RIMS1: variants seen among roughly 807,000 people sequenced by gnomAD.
RIMS1 encodes the protein regulating synaptic membrane exocytosis protein 1.
A neutral mutation model predicts 214.1 loss-of-function variants in RIMS1; 83 were observed. The observed-to-expected ratio is 0.39, with a 90% CI of 0.32 to 0.47. RIMS1 has a LOEUF of 0.47. Among genes scored for constraint, RIMS1 ranks in the 20% least tolerant of loss-of-function variants. The pLI, the probability that RIMS1 is intolerant of heterozygous loss-of-function variation, is 0.99. For synonymous variants in RIMS1, 793 were observed against 786.8 expected, an observed-to-expected ratio of 1.01 and a Z score of -0.13; for missense variants, 2,050 against 2,161.8, an observed-to-expected ratio of 0.95 and a Z score of 1.03.
chr6:72,184,127 C>A (rs1019717133), intron 6 of RIMS1, among the ~76,000 whole-genome samples: 1 of 152,118 alleles, frequency 6.6e-6, no homozygotes, highest in Non-Finnish European at 1.5e-5. Context: ...CAGTAAATTG[C>A]GTGGTATCTT....
chr6:72,259,177 T>C, intron 18 of RIMS1, 66 bp downstream of exon 18: 1 of 1,387,220 alleles, frequency 7.2e-7, no homozygotes, highest in Non-Finnish European at 1.0e-6. Flanking sequence ...ATACAGATAT[T>C]GTGGCATAGC....
chr6:72,122,508 A>G (rs2038611737), intron 4 of RIMS1, among the ~76,000 whole-genome samples: 1 of 151,728 alleles, frequency 6.6e-6, no homozygotes, highest in Admixed American at 6.6e-5. Flanking sequence ...ACCCAGCCAG[A>G]TTCCCTCTTT....
At chr6:72,249,003 A>G (rs1359592562) in intron 12 of RIMS1, among the ~76,000 whole-genome samples, 1 of 152,204 alleles carries the variant, frequency 6.6e-6, no homozygotes. Flanking sequence ...ATGGAAACCC[A>G]TTCTGGTTCT....
intron 32 of RIMS1, among the ~76,000 whole-genome samples, chr6:72,398,585 G>A (rs572058202): frequency 6.6e-6 from 1 of 151,914 alleles, no homozygotes; most frequent in African/African-American, 2.4e-5. Context: ...GTTTAGTTAT[G>A]GTCGTTTCTT....
rs1197576426 is a variant in RIMS1 at position 72,123,757 on chromosome 6, A to G, written c.471+23771A>G. The stretch of plus-strand genomic sequence containing the variant: ...TTCTTTGTCTCTTTTGATCTTTGTC[A>G]GTTTAAAGTCTGTTTTATCAGAGAC... On this transcript the variant is annotated intron_variant, in intron 4 of 33. Transcript: ENST00000521978. Among the ~76,000 whole-genome samples the G allele has an allele frequency of 7.3e-5, 11 of 151,540 alleles. 2 individuals carry two copies. Among genetic ancestry groups the G allele is most frequent in the Non-Finnish European group, 1.6e-4 (11 of 67,780 alleles).
intron 4 of RIMS1, among the ~76,000 whole-genome samples, chr6:72,167,673 T>C (rs1830340): frequency 0.69 from 105,302 of 151,882 alleles, 36,982 homozygotes; most frequent in East Asian, 0.84. Context: ...TTTGGTAGTT[T>C]GAGTTTTTGA....
chr6:72,299,673 G>A (rs1338327859), intron 26 of RIMS1, among the ~76,000 whole-genome samples: 1 of 151,786 alleles, frequency 6.6e-6, no homozygotes, highest in African/African-American at 2.4e-5. Context: ...TTACTTTAGT[G>A]GAATTCAAGT....
Position 72,058,242 on chromosome 6 carries a change from C to T in RIMS1, c.246-38707C>T, listed in dbSNP as rs555197677. 3.3e-5 allele frequency among the ~76,000 whole-genome samples: 5 copies of T among 152,332 alleles called. No homozygotes were observed. In the South Asian group the frequency reaches 1.0e-3, roughly 32 times the overall value. ...TACCTTACTTTTGGGATTTCTCACTCATCACCAATGAAACTCTCAGACTAG... is the reference window on the plus strand; with the variant it reads ...TACCTTACTTTTGGGATTTCTCACTTATCACCAATGAAACTCTCAGACTAG... On this transcript the variant is annotated intron_variant, in intron 2 of 33. Transcript: ENST00000521978.
At chr6:72,352,622 C>T (rs1211645889) in intron 29 of RIMS1, among the ~76,000 whole-genome samples, 2 of 152,178 alleles carry the variant, frequency 1.3e-5, no homozygotes, top group African/African-American at 4.8e-5. Context: ...AGGCAGTCAA[C>T]TCTCCTCTGT....
intron 29 of RIMS1, among the ~76,000 whole-genome samples, chr6:72,348,892 C>T (rs1278348826): frequency 6.6e-6 from 1 of 151,886 alleles, no homozygotes; most frequent in South Asian, 2.1e-4. Flanking sequence ...TATTAATTTA[C>T]AACATCCTTT....
chr6:71,902,221 G>A (rs1342655632), intron 1 of RIMS1, among the ~76,000 whole-genome samples: 2 of 152,070 alleles, frequency 1.3e-5, no homozygotes, highest in African/African-American at 2.4e-5. Context: ...CTGTAAGTAG[G>A]AGTTGGCTCA....
At chr6:72,268,418 A>T (rs542648615) in intron 22 of RIMS1, among the ~76,000 whole-genome samples, 5 of 152,180 alleles carry the variant, frequency 3.3e-5, no homozygotes, top group African/African-American at 4.8e-5. Flanking sequence ...TTCTTAAGAG[A>T]TGAACATTAT....
chr6:72,188,448 A>G (rs1022379650), intron 6 of RIMS1, among the ~76,000 whole-genome samples: 11 of 152,248 alleles, frequency 7.2e-5, no homozygotes, highest in African/African-American at 1.9e-4. Flanking sequence ...TATGAAGTCA[A>G]TAAATCTTAT....
At chr6:72,038,460 T>C (rs544768452) in intron 2 of RIMS1, among the ~76,000 whole-genome samples, 1 of 152,214 alleles carries the variant, frequency 6.6e-6, no homozygotes, top group African/African-American at 2.4e-5. Context: ...TTCATGTCAC[T>C]TTAAAGACGT....
chr6:72,211,853 A>T (rs1022277773), intron 6 of RIMS1, among the ~76,000 whole-genome samples: 2 of 135,400 alleles, frequency 1.5e-5, no homozygotes, highest in African/African-American at 6.1e-5. Context: ...TTGAAAATGA[A>T]TGTTTGGTGA....
chr6:71,952,166 C>T (rs1303106335), intron 1 of RIMS1, among the ~76,000 whole-genome samples: 2 of 152,064 alleles, frequency 1.3e-5, no homozygotes, highest in African/African-American at 4.8e-5. Context: ...TTATGGAACC[C>T]TAGGAAAAGC....
Position 72,163,131 on chromosome 6 carries a change from C to T in RIMS1, c.472-16444C>T, listed in dbSNP as rs1296346150. Reference sequence around the variant, plus strand: ...CTAATCTTCTCTTCTCACTTCATTTCATTTCATCTTCCATCACTGATACCC... The same window carrying T: ...CTAATCTTCTCTTCTCACTTCATTTTATTTCATCTTCCATCACTGATACCC... On this transcript the variant is annotated intron_variant, in intron 4 of 33. Coordinates refer to ENST00000521978, the MANE Select transcript of RIMS1 (RefSeq NM_014989.7). Among the ~76,000 whole-genome samples the T allele has an allele frequency of 3.6e-5, 5 of 139,656 alleles. 1 individual carries two copies. The East Asian group carries it at 6.0e-4, about 17-fold the overall frequency. The allele number at this position is 139,656 out of a possible 152,430, so 91.6% of individuals were successfully genotyped here.
At chr6:72,037,831 T>C (rs931549914) in intron 2 of RIMS1, among the ~76,000 whole-genome samples, 8 of 151,766 alleles carry the variant, frequency 5.3e-5, no homozygotes, top group African/African-American at 1.9e-4. Flanking sequence ...TTGAGAGACA[T>C]CAATTGCCTC....
At chr6:72,206,210 T>C (rs914503629) in intron 6 of RIMS1, among the ~76,000 whole-genome samples, 1 of 152,184 alleles carries the variant, frequency 6.6e-6, no homozygotes, top group African/African-American at 2.4e-5. Flanking sequence ...TCTCTTCATT[T>C]CTTTTAGAGC....
Sources: gnomAD v4.1 joint callset for allele counts (sites outside exome capture counted in the v4.1 genomes callset) on GRCh38, gnomAD v4.1.1 for gene constraint, MANE v1.5 for transcripts, NCBI Gene and HGNC (gene_info 2026-07-23, HGNC 2026-07-21) for gene names.